LPP: variants seen among roughly 807,000 people sequenced by gnomAD.
The protein encoded by LPP is LIM domain containing preferred translocation partner in lipoma, also known as lipoma-preferred partner.
Under a neutral mutation model 60.4 loss-of-function variants are expected in LPP, and 38 were observed. The ratio of observed to expected loss-of-function variants is 0.63; its 90% confidence interval spans 0.49 to 0.83. The LOEUF is 0.83. Among genes scored for constraint, LPP ranks in the 40% least tolerant of loss-of-function variants. LPP has a pLI of 0.00. For missense variants in LPP, 902 were observed against 783.6 expected (o/e 1.15, Z -1.80); for synonymous variants, 328 against 290.8 (o/e 1.13, Z -1.30).
chr3:188,887,683 G>C lies in LPP; in HGVS notation c.*13204G>C. On this transcript the variant is annotated 3_prime_UTR_variant, in exon 12 of 12. Coordinates refer to ENST00000617246, the MANE Select transcript of LPP (RefSeq NM_001375462.1). ...GTAGGCAGCAAATTGAAACTAACATGGGACCATGCCATCCTTCTAGCATAA... is the reference window on the plus strand; with the variant it reads ...GTAGGCAGCAAATTGAAACTAACATCGGACCATGCCATCCTTCTAGCATAA... 1 of 213,482 alleles carries C rather than the reference G, an allele frequency of 4.7e-6. No homozygotes were observed. Among genetic ancestry groups the C allele is most frequent in the Non-Finnish European group, 9.5e-6 (1 of 105,514 alleles). 13.2% of individuals were successfully genotyped at this position (213,482 alleles called of 1,614,324 possible). A position where few individuals can be genotyped will look rare whatever the true frequency, so the allele number is the denominator to read the frequency against.
chr3:188,631,946 A>G lies in LPP; in HGVS notation c.1113+22102A>G, dbSNP rs79981186. Among the ~76,000 whole-genome samples the G allele has an allele frequency of 8.2e-3, 1,244 of 152,322 alleles. 4 individuals carry two copies. Among genetic ancestry groups the G allele is most frequent in the Non-Finnish European group, 0.014 (928 of 68,028 alleles). On this transcript the variant is annotated intron_variant, in intron 7 of 11. Coordinates refer to ENST00000617246, the MANE Select transcript of LPP (RefSeq NM_001375462.1). ...TTCTAACATTTCCCTACATGAGCGT[A>G]CACAGAAGACAGAGTAGAAGAACCA...
At chr3:188,309,598 A>G (rs1196490263) in intron 2 of LPP, among the ~76,000 whole-genome samples, 1 of 152,134 alleles carries the variant, frequency 6.6e-6, no homozygotes, top group African/African-American at 2.4e-5. Flanking sequence ...CTCCAGAATT[A>G]GTTGTGTCCT....
rs1770850891 is a variant in LPP, at chr3:188,887,790, A to G, written c.*13311A>G. ...CTAAATCTTGTCACCAAGACTTTATAGTAAAGTAGTAGCAAAATTATTTTT... is the reference window on the plus strand; with the variant it reads ...CTAAATCTTGTCACCAAGACTTTATGGTAAAGTAGTAGCAAAATTATTTTT... On this transcript the variant is annotated 3_prime_UTR_variant, in exon 12 of 12. Transcript: ENST00000617246. 1 of 208,968 alleles carries G rather than the reference A, an allele frequency of 4.8e-6. No homozygotes were observed. The highest frequency in any genetic ancestry group is 9.7e-6 in the Non-Finnish European group (1 of 102,672). 12.9% of individuals were successfully genotyped at this position (208,968 alleles called of 1,614,324 possible).
At chr3:188,757,161 C>T (rs966017040) in intron 8 of LPP, among the ~76,000 whole-genome samples, 3 of 152,194 alleles carry the variant, frequency 2.0e-5, no homozygotes, top group East Asian at 1.9e-4. Context: ...TCTTCTAAGA[C>T]GTGTTACATG....
intron 10 of LPP, among the ~76,000 whole-genome samples, chr3:188,871,588 G>A (rs1267746673): frequency 6.6e-6 from 1 of 152,112 alleles, no homozygotes; most frequent in South Asian, 2.1e-4. Context: ...TTCTTTTTAA[G>A]TCTCACTACA....
chr3:188,854,454 A>T (rs1763365137), intron 9 of LPP, among the ~76,000 whole-genome samples: 1 of 149,642 alleles, frequency 6.7e-6, no homozygotes, highest in South Asian at 2.1e-4. Context: ...TCGGAAGGGA[A>T]CCGCACAGTC....
chr3:188,383,158 G>A (rs769173465), intron 3 of LPP, among the ~76,000 whole-genome samples: 23 of 152,056 alleles, frequency 1.5e-4, no homozygotes, highest in Non-Finnish European at 1.9e-4. Flanking sequence ...AATTACTGAC[G>A]TTGATCACAT....
chr3:188,598,883 G>C (rs990474014), intron 6 of LPP, among the ~76,000 whole-genome samples: 1 of 152,136 alleles, frequency 6.6e-6, no homozygotes, highest in Non-Finnish European at 1.5e-5. Context: ...CTGGGATTGA[G>C]TTTTATTATT....
At chr3:188,230,141 G>A (rs112718299) in intron 2 of LPP, among the ~76,000 whole-genome samples, 2,573 of 151,742 alleles carry the variant, frequency 0.017, 65 homozygotes, top group African/African-American at 0.056. Flanking sequence ...GCCAGAGTGC[G>A]GTGGTGCGAT....
intron 9 of LPP, among the ~76,000 whole-genome samples, chr3:188,803,045 C>CGTTTT (rs1747791930): frequency 7.7e-6 from 1 of 130,476 alleles, no homozygotes; most frequent in Non-Finnish European, 1.6e-5. Context: ...GTTGTATATG[C>CGTTTT]TTTTTTTTTT....
intron 7 of LPP, among the ~76,000 whole-genome samples, chr3:188,630,649 A>G (rs960146040): frequency 8.5e-5 from 13 of 152,194 alleles, no homozygotes; most frequent in African/African-American, 3.1e-4. Flanking sequence ...TTGTTCTATT[A>G]AGTTGGTGCA....
intron 5 of LPP, among the ~76,000 whole-genome samples, chr3:188,486,589 A>T (rs977104189): frequency 8.5e-5 from 13 of 152,182 alleles, no homozygotes; most frequent in African/African-American, 2.4e-4. Flanking sequence ...GTATTTTCAT[A>T]TAGTAGATAT....
chr3:188,524,450 G>C (rs756638972), intron 5 of LPP, among the ~76,000 whole-genome samples: 2 of 151,924 alleles, frequency 1.3e-5, no homozygotes, highest in African/African-American at 4.8e-5. Flanking sequence ...TGTGTGACCT[G>C]AGAAAAATCA....
At chr3:188,323,487 G>A (rs1757519998) in intron 2 of LPP, among the ~76,000 whole-genome samples, 1 of 152,168 alleles carries the variant, frequency 6.6e-6, no homozygotes, top group Admixed American at 6.6e-5. Context: ...TTTCTGGGAA[G>A]AAAACTTTGC....
At chr3:188,288,149 GT>G (rs1744600484) in intron 2 of LPP, among the ~76,000 whole-genome samples, 1 of 152,114 alleles carries the variant, frequency 6.6e-6, no homozygotes, top group African/African-American at 2.4e-5. Flanking sequence ...TGGCTTTTTT[GT>G]TTTGGAAATA....
At chr3:188,361,697 G>C (rs1769452320) in intron 3 of LPP, among the ~76,000 whole-genome samples, 1 of 151,898 alleles carries the variant, frequency 6.6e-6, no homozygotes, top group Non-Finnish European at 1.5e-5. Context: ...CTCCCAAGTA[G>C]CTGGGATTAC....
At chr3:188,632,085 A>G (rs1847937569) in intron 7 of LPP, among the ~76,000 whole-genome samples, 2 of 151,948 alleles carry the variant, frequency 1.3e-5, no homozygotes, top group Non-Finnish European at 2.9e-5. Context: ...AAAAGTATTT[A>G]TTTTACTCTG....
intron 5 of LPP, among the ~76,000 whole-genome samples, chr3:188,510,420 T>C (rs1055195703): frequency 6.6e-6 from 1 of 152,230 alleles, no homozygotes; most frequent in African/African-American, 2.4e-5. Flanking sequence ...TCACTTTTTA[T>C]CAATGGCAAC....
In LPP at chr3:188,758,483, A is replaced by G. The variant is rs878856804; in HGVS notation, c.1241-1630A>G. Among the ~76,000 whole-genome samples, 9 of 152,312 alleles carry G rather than the reference A, an allele frequency of 5.9e-5. No individual in the cohort carries two copies. The South Asian group carries it at 1.7e-3, about 28-fold the overall frequency. On this transcript the variant is annotated intron_variant, in intron 8 of 11. Transcript: ENST00000617246. ...GCCTTCATATTTCTTATTCCTTAGG[A>G]AAAAAACTAAGATGTATACTTTGGG... is the stretch of plus-strand genomic sequence containing the variant.
Sources: allele counts gnomAD v4.1 joint callset (sites outside exome capture counted in the v4.1 genomes callset), GRCh38; gene constraint gnomAD v4.1.1; transcripts MANE v1.5; gene names NCBI Gene and HGNC (gene_info 2026-07-23, HGNC 2026-07-21).